Variants in ELAVL3 observed in about 807,000 individuals in gnomAD.
The protein encoded by ELAVL3 is ELAV-like protein 3.
Under a neutral mutation model 34.2 loss-of-function variants are expected in ELAVL3, and 8 were observed. The observed-to-expected ratio is 0.23, with a 90% CI of 0.14 to 0.42. The LOEUF (loss-of-function observed/expected upper bound fraction) is 0.42, where lower values mean the gene tolerates loss of function less well. Ranked by LOEUF, ELAVL3 falls within the 10% of genes least tolerant of loss-of-function variation. The pLI is 1.00. For missense variants in ELAVL3, 273 were observed against 518.8 expected (o/e 0.53, Z 4.60); for synonymous variants, 209 against 222.1 (o/e 0.94, Z 0.53).
Position 11,480,481 on chromosome 19 carries a change from CAA to C in ELAVL3, c.9+117_9+118del. 8.2e-7 allele frequency: 1 copy of C among 1,221,760 alleles called. No homozygotes were observed. The highest frequency in any genetic ancestry group is 1.1e-6 in the Non-Finnish European group (1 of 933,506). The allele number at this position is 1,221,760 out of a possible 1,614,324, so 75.7% of individuals were successfully genotyped here. A position where few individuals can be genotyped will look rare whatever the true frequency, so the allele number is the denominator to read the frequency against. Reference sequence around the variant, plus strand: ...GCCCCGAGGCTTGGTCCTACCCCCCCAACCCGGGCCTAGCTAGGCCTGGTCCT... The same window carrying C: ...GCCCCGAGGCTTGGTCCTACCCCCCCCCCGGGCCTAGCTAGGCCTGGTCCT... On this transcript the variant is annotated intron_variant, in intron 1 of 6. Transcript: ENST00000359227. The surrounding 1 kb of genome is among the most constrained non-coding windows in gnomAD (Gnocchi z 6.8).
chr19:11,462,819 G>A (rs926052191), intron 3 of ELAVL3, among the ~76,000 whole-genome samples: 4 of 151,424 alleles, frequency 2.6e-5, no homozygotes, highest in Non-Finnish European at 5.9e-5. Flanking sequence ...AAGATTAGCC[G>A]TGCATGGTGG....
intron 1 of ELAVL3, among the ~76,000 whole-genome samples, chr19:11,470,204 A>C (rs1971136334): frequency 6.6e-6 from 1 of 152,166 alleles, no homozygotes; most frequent in East Asian, 1.9e-4. Context: ...AAAATACCAC[A>C]ATTAGCCAGG....
Position 11,480,399 on chromosome 19 carries a change from C to T in ELAVL3, c.9+201G>A, listed in dbSNP as rs1156679462. 1.9e-6 allele frequency: 1 copy of T among 539,840 alleles called. No homozygotes were observed. The highest frequency in any genetic ancestry group is 3.5e-5 in the East Asian group (1 of 28,398). 33.4% of individuals were successfully genotyped at this position (539,840 alleles called of 1,614,324 possible). On this transcript the variant is annotated intron_variant, in intron 1 of 6. Transcript: ENST00000359227. The surrounding 1 kb of genome is among the most constrained non-coding windows in gnomAD (Gnocchi z 6.8). ...TCGCAGTCAGTCTCCCTAAGGCCCT[C>T]TCAGACCAAGCTCTAAGCGCCCTCA... is the stretch of plus-strand genomic sequence containing the variant.
At chr19:11,471,091 T>C (rs1262217951) in intron 1 of ELAVL3, among the ~76,000 whole-genome samples, 3 of 151,442 alleles carry the variant, frequency 2.0e-5, no homozygotes, top group Non-Finnish European at 4.4e-5. Flanking sequence ...GGTGGGCGGA[T>C]CACGAGGTCA....
intron 1 of ELAVL3, among the ~76,000 whole-genome samples, chr19:11,475,202 G>A (rs1971240880): frequency 6.6e-6 from 1 of 152,172 alleles, no homozygotes; most frequent in Non-Finnish European, 1.5e-5. Context: ...ATACTTTGAG[G>A]CATATTTTCA....
Position 11,480,313 on chromosome 19 carries a change from C to A in ELAVL3, c.9+287G>T, listed in dbSNP as rs1007948920. The A allele has an allele frequency of 1.3e-5, 5 of 380,452 alleles. No individual in the cohort carries two copies. In the Admixed American group the frequency reaches 1.8e-4, roughly 14 times the overall value. 23.6% of individuals were successfully genotyped at this position (380,452 alleles called of 1,614,324 possible). On this transcript the variant is annotated intron_variant, in intron 1 of 6. Coordinates refer to ENST00000359227, the MANE Select transcript of ELAVL3 (RefSeq NM_001420.4). This position sits in a 1 kb window ranked among gnomAD's most constrained non-coding sequence, Gnocchi z 6.8. Reference sequence around the variant, plus strand: ...TCCTTAGCCGCCGCGGCCCCTCCCCCATCAGGCCTGCTGGAGAGGGGGCAA... The same window carrying A: ...TCCTTAGCCGCCGCGGCCCCTCCCCAATCAGGCCTGCTGGAGAGGGGGCAA...
At position 11,458,045 on chromosome 19, in the gene ELAVL3, C is replaced by T; in HGVS notation, c.713+16G>A. On this transcript the variant is annotated intron_variant, in intron 5 of 6. Transcript: ENST00000359227. The surrounding 1 kb of genome is among the most constrained non-coding windows in gnomAD (Gnocchi z 7.3). ...GGGCACCCGGCCTGGGGCCATCTGGCTGGCAGGGGGCTCACCGGAAACGCT... is the reference window on the plus strand; with the variant it reads ...GGGCACCCGGCCTGGGGCCATCTGGTTGGCAGGGGGCTCACCGGAAACGCT... 2 of 1,608,710 alleles carry T rather than the reference C, an allele frequency of 1.2e-6. No homozygotes were observed. The highest frequency in any genetic ancestry group is 1.7e-6 in the Non-Finnish European group (2 of 1,179,710).
rs1268612839 is a variant in ELAVL3, at chr19:11,458,073, G to A, written c.701C>T (p.Thr234Ile). 1 of 1,612,828 alleles carries A rather than the reference G, an allele frequency of 6.2e-7. No individual in the cohort carries two copies. The highest frequency in any genetic ancestry group is 8.5e-7 in the Non-Finnish European group (1 of 1,180,022). ...RRYAGPLHHQ[T>I]QRFRLDNLLN... ...GCAGGGGGCTCACCGGAAACGCTGG[G>A]TCTGATGGTGTAGGGGGCCTGCGTA... Residue 234 changes from threonine to isoleucine, a missense_variant, in exon 5 of 7, where the codon ACC becomes ATC. Physicochemically the swap from Thr to Ile is moderately conservative, Grantham distance 89. Coordinates refer to ENST00000359227, the MANE Select transcript of ELAVL3 (RefSeq NM_001420.4). The surrounding 1 kb of genome is among the most constrained non-coding windows in gnomAD (Gnocchi z 7.3).
chr19:11,452,583 T>C lies in ELAVL3; in HGVS notation c.*1943A>G, dbSNP rs1257417656. 1 of 151,932 alleles carries C rather than the reference T, an allele frequency of 6.6e-6. No homozygotes were observed. Among genetic ancestry groups the C allele is most frequent in the Non-Finnish European group, 1.5e-5 (1 of 68,010 alleles). 9.4% of individuals were successfully genotyped at this position (151,932 alleles called of 1,614,324 possible). On this transcript the variant is annotated 3_prime_UTR_variant, in exon 7 of 7. Coordinates refer to ENST00000359227, the MANE Select transcript of ELAVL3 (RefSeq NM_001420.4). Reference sequence around the variant, plus strand: ...TTTTTTGTCGCTTTTTTGATTTTTTTCTTTTTTGTTCCTTGCAGCAGAAGC... The same window carrying C: ...TTTTTTGTCGCTTTTTTGATTTTTTCCTTTTTTGTTCCTTGCAGCAGAAGC...
intron 1 of ELAVL3, among the ~76,000 whole-genome samples, chr19:11,477,475 C>T (rs1971283224): frequency 6.6e-6 from 1 of 151,990 alleles, no homozygotes; most frequent in African/African-American, 2.4e-5. Context: ...GAGGTTTTGC[C>T]ATGTTGCCCA....
chr19:11,454,611 A>G lies in ELAVL3; in HGVS notation c.1019T>C (p.Met340Thr). The G allele has an allele frequency of 6.2e-7, 1 of 1,614,214 alleles. No individual in the cohort carries two copies. Among genetic ancestry groups the G allele is most frequent in the Non-Finnish European group, 8.5e-7 (1 of 1,180,016 alleles). ...VTMTNYDEAA[M>T]AIASLNGYRL... ...ATAGCCGTTCAGGCTGGCGATGGCC[A>G]TGGCCGCCTCGTCATAGTTGGTCAT... The change falls in exon 7 of 7, where the codon ATG becomes ACG. Residue 340 changes from methionine to threonine, a missense_variant. Met to Thr is a moderately conservative substitution (Grantham distance 81, BLOSUM62 -1). This residue lies in a region of ELAVL3 where 52 missense variants were observed against 119.6 expected (regional missense o/e 0.43). Coordinates refer to ENST00000359227, the MANE Select transcript of ELAVL3 (RefSeq NM_001420.4). This position sits in a 1 kb window ranked among gnomAD's most constrained non-coding sequence, Gnocchi z 9.2.
At chr19:11,465,291 A>C (rs141658499) in intron 3 of ELAVL3, among the ~76,000 whole-genome samples, 5 of 117,820 alleles carry the variant, frequency 4.2e-5, no homozygotes, top group East Asian at 4.6e-4. Context: ...ACACACACAC[A>C]CCACACACAC....
intron 1 of ELAVL3, among the ~76,000 whole-genome samples, chr19:11,470,806 A>G (rs1170223197): frequency 6.6e-6 from 1 of 152,214 alleles, no homozygotes; most frequent in Non-Finnish European, 1.5e-5. Flanking sequence ...GGCATTGGAA[A>G]TGAAATGAAG....
At chr19:11,463,192 G>A (rs1970927941) in intron 3 of ELAVL3, among the ~76,000 whole-genome samples, 1 of 152,038 alleles carries the variant, frequency 6.6e-6, no homozygotes, top group Non-Finnish European at 1.5e-5. Context: ...CCATGACATG[G>A]GTTTCCCAAG....
chr19:11,472,628 G>A (rs1395543636), intron 1 of ELAVL3, among the ~76,000 whole-genome samples: 1 of 151,908 alleles, frequency 6.6e-6, no homozygotes, highest in Non-Finnish European at 1.5e-5. Flanking sequence ...TTGAGCCCAG[G>A]AGGTGGAGGT....
At position 11,463,664 on chromosome 19, in the gene ELAVL3, T is replaced by C. The variant is rs1417389547; in HGVS notation, c.333+2508A>G. ...CCGGAGTCACAGTGTCACATGCACC[T>C]GTCAAATAATAAGCACGTCATCCTG... On this transcript the variant is annotated intron_variant, in intron 3 of 6. Transcript: ENST00000359227. 3.3e-5 allele frequency among the ~76,000 whole-genome samples: 5 copies of C among 152,074 alleles called. No homozygotes were observed. The East Asian group carries it at 9.6e-4, about 29-fold the overall frequency.
At chr19:11,457,889 T>G (rs1970802873) in intron 5 of ELAVL3, among the ~76,000 whole-genome samples, 172 bp downstream of exon 5, 1 of 152,156 alleles carries the variant, frequency 6.6e-6, no homozygotes, top group Non-Finnish European at 1.5e-5. Flanking sequence ...CAGCACACAT[T>G]GAGGGCCTGC....
intron 6 of ELAVL3, 124 bp from the exon 7 acceptor site, chr19:11,455,001 G>A (rs1970738861): frequency 1.7e-6 from 2 of 1,152,604 alleles, no homozygotes. Flanking sequence ...CCCCTGCAAT[G>A]CAATTTTTTT....
chr19:11,457,298 T>C (rs1970789622), intron 5 of ELAVL3, 150 bp from the exon 6 acceptor site: 5 of 838,272 alleles, frequency 6.0e-6, no homozygotes, highest in Non-Finnish European at 8.7e-6. Flanking sequence ...GGCTAGACAC[T>C]GCCTGGCACG....
Sources: gnomAD v4.1 joint callset for allele counts (sites outside exome capture counted in the v4.1 genomes callset) on GRCh38, gnomAD v4.1.1 for gene constraint, gnomAD v4.1.1 regional missense constraint, Gnocchi (gnomAD v3.1) non-coding constraint, MANE v1.5 for transcripts, NCBI Gene and HGNC (gene_info 2026-07-23, HGNC 2026-07-21) for gene names.